Variants in LRRTM4 observed in about 807,000 individuals in gnomAD.
The protein encoded by LRRTM4 is leucine rich repeat transmembrane neuronal 4.
Under a neutral mutation model 47.6 loss-of-function variants are expected in LRRTM4, and 25 were observed. The observed-to-expected ratio is 0.53, with a 90% CI of 0.38 to 0.73. The LOEUF (loss-of-function observed/expected upper bound fraction) is 0.73, where lower values mean the gene tolerates loss of function less well. LRRTM4 is among the 30% of genes least tolerant of loss of function. The probability of loss-of-function intolerance (pLI) is 0.00; values close to 1 mark genes in which losing one functional copy is unlikely to be tolerated. For missense variants in LRRTM4, 638 were observed against 713.4 expected (o/e 0.89, Z 1.20); for synonymous variants, 311 against 269.5 (o/e 1.15, Z -1.51).
intron 3 of LRRTM4, among the ~76,000 whole-genome samples, chr2:77,057,098 G>C (rs1032566617): frequency 6.6e-6 from 1 of 152,122 alleles, no homozygotes; most frequent in Admixed American, 6.6e-5. Flanking sequence ...TAAATATTTA[G>C]CATCTGGCTT....
At chr2:77,175,080 T>C (rs1455331430) in intron 3 of LRRTM4, among the ~76,000 whole-genome samples, 1 of 150,926 alleles carries the variant, frequency 6.6e-6, no homozygotes. Context: ...TTTTCTTTTT[T>C]TTTTTTTTTG....
At chr2:77,438,464 T>C (rs574057245) in intron 3 of LRRTM4, among the ~76,000 whole-genome samples, 4 of 138,232 alleles carry the variant, frequency 2.9e-5, no homozygotes, top group African/African-American at 1.1e-4. Flanking sequence ...TGGAGTGTAG[T>C]GGCGCGATCT....
intron 3 of LRRTM4, among the ~76,000 whole-genome samples, chr2:77,160,476 A>G (rs1171918943): frequency 6.6e-6 from 1 of 150,414 alleles, no homozygotes; most frequent in Non-Finnish European, 1.5e-5. Flanking sequence ...TAGATTCCAT[A>G]TAGCCAAAGG....
At chr2:76,922,363 C>G (rs1251938495) in intron 3 of LRRTM4, among the ~76,000 whole-genome samples, 1 of 152,008 alleles carries the variant, frequency 6.6e-6, no homozygotes, top group Non-Finnish European at 1.5e-5. Flanking sequence ...CCTGGCAGAG[C>G]AGGAGAGAGA....
chr2:77,502,419 G>A (rs543789611), intron 3 of LRRTM4, among the ~76,000 whole-genome samples: 40 of 151,288 alleles, frequency 2.6e-4, no homozygotes, highest in South Asian at 1.0e-3. Context: ...ACTGTATACC[G>A]TAAAGTTAAT....
intron 3 of LRRTM4, among the ~76,000 whole-genome samples, chr2:76,995,615 C>CA: frequency 6.6e-6 from 1 of 151,972 alleles, no homozygotes; most frequent in East Asian, 1.9e-4. Flanking sequence ...AAAGTAGATC[C>CA]AAAAAAGTCA....
chr2:76,976,789 C>T (rs1344264766), intron 3 of LRRTM4, among the ~76,000 whole-genome samples: 3 of 151,638 alleles, frequency 2.0e-5, no homozygotes, highest in Non-Finnish European at 4.4e-5. Context: ...AGGGTAAATA[C>T]GGTTAACAGT....
intron 3 of LRRTM4, among the ~76,000 whole-genome samples, chr2:77,285,821 C>G (rs529782717): frequency 6.6e-6 from 1 of 152,090 alleles, no homozygotes; most frequent in South Asian, 2.1e-4. Context: ...TCTATACCTT[C>G]CAAATTTTAC....
At chr2:76,930,216 A>G (rs1259799654) in intron 3 of LRRTM4, among the ~76,000 whole-genome samples, 1 of 151,998 alleles carries the variant, frequency 6.6e-6, no homozygotes, top group Non-Finnish European at 1.5e-5. Context: ...CTGCAACTCT[A>G]TTACTGTGAT....
chr2:76,887,237 A>C lies in LRRTM4; in HGVS notation c.1552-138321T>G, dbSNP rs953481558. ...CATTAAACAGCAAAAGTTATATAGT[A>C]TCATATGTCAAAGTAGATTCAAGAG... On this transcript the variant is annotated intron_variant, in intron 3 of 3. Coordinates refer to ENST00000409884, the MANE Select transcript of LRRTM4 (RefSeq NM_001134745.3). Among the ~76,000 whole-genome samples the C allele has an allele frequency of 7.9e-5, 12 of 151,920 alleles. 1 individual carries two copies. In the South Asian group the frequency reaches 1.2e-3, roughly 16 times the overall value.
At chr2:77,351,735 A>T (rs1174648981) in intron 3 of LRRTM4, among the ~76,000 whole-genome samples, 1 of 151,708 alleles carries the variant, frequency 6.6e-6, no homozygotes, top group East Asian at 1.9e-4. Flanking sequence ...TCATGAATTC[A>T]GACTACTTGG....
intron 3 of LRRTM4, among the ~76,000 whole-genome samples, chr2:77,283,784 G>A (rs1437723772): frequency 6.6e-6 from 1 of 151,912 alleles, no homozygotes; most frequent in Admixed American, 6.6e-5. Context: ...GATACTCATG[G>A]ACTTAACTTG....
intron 3 of LRRTM4, among the ~76,000 whole-genome samples, chr2:77,321,186 G>A (rs1440077628): frequency 6.6e-6 from 1 of 152,080 alleles, no homozygotes; most frequent in Admixed American, 6.6e-5. Context: ...CAGATCTTTT[G>A]ATAAAACAAT....
At position 76,835,680 on chromosome 2, in the gene LRRTM4, C is replaced by G. The variant is rs540144436; in HGVS notation, c.1552-86764G>C. Among the ~76,000 whole-genome samples, 6 of 152,120 alleles carry G rather than the reference C, an allele frequency of 3.9e-5. No individual in the cohort carries two copies. The South Asian group carries it at 1.2e-3, about 32-fold the overall frequency. ...AAGCAATAGCAAATGTGTTTGGTAA[C>G]TTGACTATTTGCACATTTATTTAGG... On this transcript the variant is annotated intron_variant, in intron 3 of 3. Coordinates refer to ENST00000409884, the MANE Select transcript of LRRTM4 (RefSeq NM_001134745.3).
At chr2:76,952,205 A>G (rs1310849280) in intron 3 of LRRTM4, among the ~76,000 whole-genome samples, 1 of 151,904 alleles carries the variant, frequency 6.6e-6, no homozygotes, top group East Asian at 1.9e-4. Context: ...AGATAGTTTG[A>G]CTTATTTTCC....
At chr2:77,209,631 C>A (rs1215276029) in intron 3 of LRRTM4, among the ~76,000 whole-genome samples, 1 of 152,062 alleles carries the variant, frequency 6.6e-6, no homozygotes, top group East Asian at 1.9e-4. Flanking sequence ...TGCCCATATA[C>A]CTGCATATGA....
chr2:77,368,387 T>G (rs987578028), intron 3 of LRRTM4, among the ~76,000 whole-genome samples: 8 of 151,804 alleles, frequency 5.3e-5, no homozygotes, highest in Non-Finnish European at 8.8e-5. Flanking sequence ...GTTCTTTCTT[T>G]TCCCTTGTCT....
At position 77,492,120 on chromosome 2, in the gene LRRTM4, C is replaced by A. The variant is rs186379157; in HGVS notation, c.1551+26198G>T. ...TATCCCTTAAATCAAAAGAAAGTGACCCACATTTTTTAAAATATACATAAT... is the reference window on the plus strand; with the variant it reads ...TATCCCTTAAATCAAAAGAAAGTGAACCACATTTTTTAAAATATACATAAT... On this transcript the variant is annotated intron_variant, in intron 3 of 3. Coordinates refer to ENST00000409884, the MANE Select transcript of LRRTM4 (RefSeq NM_001134745.3). Among the ~76,000 whole-genome samples, 628 of 151,910 alleles carry A rather than the reference C, an allele frequency of 4.1e-3. 7 individuals are homozygous for A. Among genetic ancestry groups the A allele is most frequent in the African/African-American group, 0.014 (599 of 41,430 alleles).
intron 3 of LRRTM4, among the ~76,000 whole-genome samples, chr2:76,907,242 T>G (rs1673875780): frequency 6.6e-6 from 1 of 151,276 alleles, no homozygotes; most frequent in Non-Finnish European, 1.5e-5. Flanking sequence ...CCTGAATGAC[T>G]ACCAGGTACA....
Sources: gnomAD v4.1 joint callset for allele counts (sites outside exome capture counted in the v4.1 genomes callset) on GRCh38, gnomAD v4.1.1 for gene constraint, MANE v1.5 for transcripts, NCBI Gene and HGNC (gene_info 2026-07-23, HGNC 2026-07-21) for gene names.